GASK1A: variants seen among roughly 807,000 people sequenced by gnomAD.
GASK1A encodes the protein Golgi-associated kinase 1A.
A neutral mutation model predicts 41.2 loss-of-function variants in GASK1A; 40 were observed. The ratio of observed to expected loss-of-function variants is 0.97; its 90% CI spans 0.75 to 1.27. The LOEUF (loss-of-function observed/expected upper bound fraction) is 1.27, where lower values mean the gene tolerates loss of function less well. Ranked by LOEUF, GASK1A falls within the 50% of genes most tolerant of loss-of-function variation. The pLI is 0.00. For missense variants in GASK1A, 678 were observed against 745.1 expected, an observed-to-expected ratio of 0.91 and a Z score of 1.05; for synonymous variants, 316 against 307.1, an observed-to-expected ratio of 1.03 and a Z score of -0.30.
In GASK1A at chr3:42,979,590, G is replaced by C; in HGVS notation, c.-53G>C. The stretch of plus-strand genomic sequence containing the variant: ...GGGCGGCCAAGGGGAGGCGGGATGA[G>C]TCTGCGAGCCGGCTGAGCGCGCCGA... On this transcript the variant is annotated 5_prime_UTR_variant, in exon 1 of 5. Coordinates refer to ENST00000430121, the MANE Select transcript of GASK1A (RefSeq NM_001129908.3). The C allele has an allele frequency of 8.1e-7, 1 of 1,240,150 alleles. No individual in the cohort carries two copies. Among genetic ancestry groups the C allele is most frequent in the Non-Finnish European group, 1.0e-6 (1 of 987,642 alleles). 76.8% of individuals were successfully genotyped at this position (1,240,150 alleles called of 1,614,324 possible). A position where few individuals can be genotyped will look rare whatever the true frequency, so the allele number is the denominator to read the frequency against.
chr3:43,046,731 G>A (rs530750387), intron 2 of GASK1A, among the ~76,000 whole-genome samples: 6 of 152,320 alleles, frequency 3.9e-5, no homozygotes, highest in Admixed American at 3.9e-4. Flanking sequence ...CTCATCACAG[G>A]TCCAAAGGCC....
intron 1 of GASK1A, among the ~76,000 whole-genome samples, chr3:42,983,692 C>A (rs1304496726): frequency 6.6e-6 from 1 of 152,164 alleles, no homozygotes; most frequent in Admixed American, 6.5e-5. Flanking sequence ...GGTATTGGAA[C>A]CTTGAAATGC....
At chr3:42,985,335 GA>G (rs2089302837) in intron 1 of GASK1A, among the ~76,000 whole-genome samples, 1 of 152,118 alleles carries the variant, frequency 6.6e-6, no homozygotes, top group African/African-American at 2.4e-5. Flanking sequence ...GGCATATCAA[GA>G]AGGCCACAAA....
At chr3:43,026,753 G>A (rs2089548805) in intron 1 of GASK1A, among the ~76,000 whole-genome samples, 1 of 151,926 alleles carries the variant, frequency 6.6e-6, no homozygotes, top group African/African-American at 2.4e-5. Flanking sequence ...GAGAAGGTAA[G>A]AAACATATAA....
chr3:43,035,264 T>G (rs930485388), intron 2 of GASK1A, among the ~76,000 whole-genome samples: 2 of 152,216 alleles, frequency 1.3e-5, no homozygotes, highest in African/African-American at 2.4e-5. Context: ...CACCTGCATC[T>G]GCAGGTTTGC....
At chr3:43,013,707 G>A (rs531172771) in intron 1 of GASK1A, among the ~76,000 whole-genome samples, 44 of 152,304 alleles carry the variant, frequency 2.9e-4, no homozygotes, top group South Asian at 1.2e-3. Flanking sequence ...GGAAGGGGCT[G>A]TGGGAAGTCA....
intron 2 of GASK1A, chr3:43,037,388 TAC>T: frequency 2.1e-6 from 2 of 961,262 alleles, no homozygotes; most frequent in Non-Finnish European, 3.4e-6. Flanking sequence ...ATGCACTAAG[TAC>T]AGACAGCCCT....
intron 1 of GASK1A, among the ~76,000 whole-genome samples, chr3:43,021,812 C>T (rs2089523792): frequency 6.6e-6 from 1 of 152,192 alleles, no homozygotes; most frequent in Non-Finnish European, 1.5e-5. Context: ...CTCTAGCTAC[C>T]CCCCTGTTTT....
At chr3:43,038,378 T>G (rs536176843) in intron 2 of GASK1A, among the ~76,000 whole-genome samples, 14 of 152,346 alleles carry the variant, frequency 9.2e-5, no homozygotes, top group African/African-American at 3.4e-4. Context: ...GAAAAGATGT[T>G]AATTCTGTTT....
intron 1 of GASK1A, among the ~76,000 whole-genome samples, chr3:43,031,090 A>G (rs569904411): frequency 1.3e-5 from 2 of 152,344 alleles, no homozygotes; most frequent in Admixed American, 6.5e-5. Context: ...TATAGTATCA[A>G]AAATCTCTAA....
rs2089294448 is a variant in GASK1A at position 42,983,989 on chromosome 3, T to G, written c.3+4344T>G. On this transcript the variant is annotated intron_variant, in intron 1 of 4. Transcript: ENST00000430121. Reference sequence around the variant, plus strand: ...TTGGCCTCAAAGATGCCGACATCCTTCCAATAGGTCTGGGAGGCCCAATGT... The same window carrying G: ...TTGGCCTCAAAGATGCCGACATCCTGCCAATAGGTCTGGGAGGCCCAATGT... 1.3e-5 allele frequency among the ~76,000 whole-genome samples: 2 copies of G among 152,146 alleles called. 1 individual carries two copies. Among genetic ancestry groups the G allele is most frequent in the Non-Finnish European group, 2.9e-5 (2 of 68,028 alleles).
chr3:43,010,428 A>G (rs1290754582), intron 1 of GASK1A, among the ~76,000 whole-genome samples: 2 of 152,316 alleles, frequency 1.3e-5, no homozygotes, highest in African/African-American at 2.4e-5. Context: ...AGCATTTTAT[A>G]TTCTCCCATG....
intron 1 of GASK1A, among the ~76,000 whole-genome samples, chr3:43,032,038 C>G (rs930102261): frequency 6.6e-6 from 1 of 152,170 alleles, no homozygotes; most frequent in Non-Finnish European, 1.5e-5. Context: ...CAGGCCTCAG[C>G]AGAGGCTGCC....
intron 1 of GASK1A, among the ~76,000 whole-genome samples, chr3:42,988,911 C>A (rs1449826096): frequency 6.6e-6 from 1 of 152,340 alleles, no homozygotes; most frequent in African/African-American, 2.4e-5. Flanking sequence ...GCCAGACAGG[C>A]TTTGCAGCAG....
chr3:43,038,478 C>A (rs2089615835), intron 2 of GASK1A, among the ~76,000 whole-genome samples: 1 of 152,116 alleles, frequency 6.6e-6, no homozygotes, highest in Admixed American at 6.5e-5. Flanking sequence ...AATTATCTAG[C>A]CGTTTCGAAT....
chr3:43,032,166 C>T, intron 1 of GASK1A, 101 bp from the exon 2 acceptor site: 1 of 961,100 alleles, frequency 1.0e-6, no homozygotes, highest in Non-Finnish European at 1.5e-6. Flanking sequence ...CTCTTTCTCT[C>T]ATGAACTGAG....
chr3:43,053,636 A>G lies in GASK1A; in HGVS notation c.1406A>G (p.His469Arg), dbSNP rs2089702467. 1 of 1,551,594 alleles carries G rather than the reference A, an allele frequency of 6.4e-7. No homozygotes were observed. The highest frequency in any genetic ancestry group is 2.0e-5 in the Admixed American group (1 of 50,982). The change falls in exon 3 of 5, where the codon CAC becomes CGC. Residue 469 changes from histidine to arginine, a missense_variant. His to Arg is a conservative substitution (Grantham distance 29). Coordinates refer to ENST00000430121, the MANE Select transcript of GASK1A (RefSeq NM_001129908.3). ...AACCCAGCCGAGCTGCGGCTGGTCCACATCCTGGTACGTCTCCTCCACACC... is the reference window on the plus strand; with the variant it reads ...AACCCAGCCGAGCTGCGGCTGGTCCGCATCCTGGTACGTCTCCTCCACACC... Reference protein sequence around the residue: ...CQNPAELRLVHILVRSSDPSH... With the variant: ...CQNPAELRLVRILVRSSDPSH...
At chr3:43,040,075 A>G in intron 2 of GASK1A, among the ~76,000 whole-genome samples, 1 of 152,294 alleles carries the variant, frequency 6.6e-6, no homozygotes. Flanking sequence ...TTCGTGTGTT[A>G]TATTTTAAAA....
intron 3 of GASK1A, chr3:43,054,234 C>T (rs1415555306): frequency 5.8e-6 from 1 of 173,250 alleles, no homozygotes; most frequent in African/African-American, 2.4e-5. Context: ...GGCATAGTGT[C>T]CTCACAGCCT....
Sources: gnomAD v4.1 joint callset for allele counts (sites outside exome capture counted in the v4.1 genomes callset) on GRCh38, gnomAD v4.1.1 for gene constraint, MANE v1.5 for transcripts, NCBI Gene and HGNC (gene_info 2026-07-23, HGNC 2026-07-21) for gene names.